Variants in TENM1 observed in about 807,000 individuals in gnomAD.
TENM1 encodes the protein teneurin transmembrane protein 1.
TENM1 carries 35 observed loss-of-function variants against 174.8 expected under a neutral mutation model. The observed-to-expected ratio is 0.20, with a 90% CI of 0.15 to 0.27. The LOEUF (loss-of-function observed/expected upper bound fraction) is 0.27. Ranked by LOEUF, TENM1 falls within the 10% of genes least tolerant of loss-of-function variation. TENM1 has a pLI of 1.00. For synonymous variants in TENM1, 781 were observed against 798.7 expected (o/e 0.98, Z 0.37); for missense variants, 1,633 against 2,130.1 (o/e 0.77, Z 4.59).
the TENM1 span, among the ~76,000 whole-genome samples, chrX:124,983,419 T>C: frequency 9.0e-6 from 1 of 111,296 alleles, no homozygotes; most frequent in Non-Finnish European, 1.9e-5. Flanking sequence ...ATCTTGGAAG[T>C]AAATAAAGTG....
intron 3 of TENM1, among the ~76,000 whole-genome samples, chrX:124,846,895 A>C (rs1238076019): frequency 9.0e-6 from 1 of 111,634 alleles, no homozygotes; most frequent in Non-Finnish European, 1.9e-5. Context: ...GTGTATTTTT[A>C]AGAGGAATTA....
intron 1 of TENM1, among the ~76,000 whole-genome samples, chrX:124,899,927 T>C (rs2057629322): frequency 8.9e-6 from 1 of 112,205 alleles, no homozygotes; most frequent in African/African-American, 3.2e-5. Flanking sequence ...TGTGGAGCAA[T>C]TGCAATTCTC....
chrX:124,389,304 C>T (rs1569528672), intron 28 of TENM1, among the ~76,000 whole-genome samples: 4 of 112,009 alleles, frequency 3.6e-5, no homozygotes, highest in Admixed American at 2.8e-4. Context: ...GTATGGCAAG[C>T]GAATTCACAA....
chrX:124,984,407 T>C, the TENM1 span, among the ~76,000 whole-genome samples: 1 of 112,633 alleles, frequency 8.9e-6, no homozygotes, highest in African/African-American at 3.2e-5. Context: ...GTTAATTTTT[T>C]ACAGAGGTCA....
chrX:124,566,674 C>G (rs754024972), intron 11 of TENM1, among the ~76,000 whole-genome samples: 1 of 112,225 alleles, frequency 8.9e-6, no homozygotes, highest in Non-Finnish European at 1.9e-5. Flanking sequence ...ATATTCTCCA[C>G]AGATAGCAGA....
chrX:124,942,587 G>A (rs533501089), intron 1 of TENM1, among the ~76,000 whole-genome samples: 3 of 111,791 alleles, frequency 2.7e-5, no homozygotes, highest in African/African-American at 9.7e-5. Context: ...TCATAGCATT[G>A]GGCAGAGAGG....
chrX:125,032,042 GAACA>G, the TENM1 span, among the ~76,000 whole-genome samples: 1 of 111,766 alleles, frequency 8.9e-6, no homozygotes, highest in African/African-American at 3.3e-5. Flanking sequence ...GTGGATGAGA[GAACA>G]AACAAGAGAT....
intron 31 of TENM1, among the ~76,000 whole-genome samples, chrX:124,381,525 C>T (rs2060157221): frequency 8.9e-6 from 1 of 111,945 alleles, no homozygotes; most frequent in African/African-American, 3.2e-5. Context: ...TAAGGAAATA[C>T]ATTTAAACTT....
chrX:124,448,089 A>G lies in TENM1; in HGVS notation c.4104+5248T>C, dbSNP rs757119859. On this transcript the variant is annotated intron_variant, in intron 23 of 31. Coordinates refer to ENST00000422452, the Ensembl canonical transcript of TENM1. The stretch of plus-strand genomic sequence containing the variant: ...ACCAGTGAATGGTACTACCATACAC[A>G]TGTTCCCTCAATTCTGAAATTGTCA... Among the ~76,000 whole-genome samples, 3 of 111,699 alleles carry G rather than the reference A, an allele frequency of 2.7e-5. No homozygotes were observed. The East Asian group carries it at 8.5e-4, about 31-fold the overall frequency.
chrX:124,415,749 C>G (rs922536060), intron 25 of TENM1, among the ~76,000 whole-genome samples: 5 of 111,436 alleles, frequency 4.5e-5, no homozygotes, highest in Non-Finnish European at 7.5e-5. Context: ...CCTTTTCACT[C>G]ACTGTTGGCC....
At chrX:125,057,277 G>C in the TENM1 span, among the ~76,000 whole-genome samples, 1 of 111,094 alleles carries the variant, frequency 9.0e-6, no homozygotes, top group African/African-American at 3.3e-5. Context: ...TGTGAATGGA[G>C]AGTCAAGTGA....
chrX:124,658,293 T>G (rs2051500399), intron 6 of TENM1, among the ~76,000 whole-genome samples: 1 of 111,791 alleles, frequency 8.9e-6, no homozygotes. Flanking sequence ...TGCTTTTGTA[T>G]CCATTATATT....
chrX:124,856,741 T>C (rs1168170720), intron 3 of TENM1, among the ~76,000 whole-genome samples: 2 of 111,476 alleles, frequency 1.8e-5, no homozygotes, highest in African/African-American at 3.2e-5. Context: ...ACACAGAATG[T>C]GTTCTGGTCT....
rs183723585 is a variant in TENM1, at chrX:124,945,078, G to T, written c.217+18459C>A. Reference sequence around the variant, plus strand: ...AGGAAAACAAATGTGTTGGAGGAGGGTTGTAATTTTCAATAGCGTAGTCAG... The same window carrying T: ...AGGAAAACAAATGTGTTGGAGGAGGTTTGTAATTTTCAATAGCGTAGTCAG... On this transcript the variant is annotated intron_variant, in intron 1 of 31. Coordinates refer to ENST00000422452, the Ensembl canonical transcript of TENM1. Among the ~76,000 whole-genome samples, 26 of 111,549 alleles carry T rather than the reference G, an allele frequency of 2.3e-4. No homozygotes were observed. In the East Asian group the frequency reaches 6.8e-3, roughly 29 times the overall value.
chrX:124,589,262 A>G (rs1173757581), intron 11 of TENM1, among the ~76,000 whole-genome samples: 1 of 110,794 alleles, frequency 9.0e-6, no homozygotes. Context: ...ATTGTGGTGC[A>G]CTAGCTTTTT....
intron 1 of TENM1, among the ~76,000 whole-genome samples, chrX:124,953,833 C>T (rs1193942650): frequency 8.9e-6 from 1 of 111,874 alleles, no homozygotes; most frequent in Non-Finnish European, 1.9e-5. Flanking sequence ...AATTCTCATA[C>T]TATGGTACAG....
rs72610648 is a variant in TENM1, at chrX:124,552,654, T to A, written c.2435-5564A>T. ...AGAATAAAAGCCTAAGTCTGAACAATGACTTATTACCTCACAGTCTGATTC... is the reference window on the plus strand; with the variant it reads ...AGAATAAAAGCCTAAGTCTGAACAAAGACTTATTACCTCACAGTCTGATTC... On this transcript the variant is annotated intron_variant, in intron 14 of 31. Transcript: ENST00000422452. Among the ~76,000 whole-genome samples the A allele has an allele frequency of 2.7e-5, 3 of 112,185 alleles. No homozygotes were observed. In the East Asian group the frequency reaches 8.5e-4, roughly 32 times the overall value.
chrX:124,454,653 C>T (rs949033148), intron 22 of TENM1, among the ~76,000 whole-genome samples: 3 of 111,670 alleles, frequency 2.7e-5, no homozygotes, highest in Admixed American at 9.5e-5. Context: ...CCACCTGCCT[C>T]GGCCTCCCAA....
At chrX:124,681,772 A>G (rs1451091199) in intron 5 of TENM1, among the ~76,000 whole-genome samples, 3 of 111,972 alleles carry the variant, frequency 2.7e-5, no homozygotes, top group Non-Finnish European at 5.6e-5. Flanking sequence ...CAACATCTGC[A>G]TAAGGTTGTT....
Sources: gnomAD v4.1 joint callset for allele counts (sites outside exome capture counted in the v4.1 genomes callset) on GRCh38, gnomAD v4.1.1 for gene constraint, MANE v1.5 for transcripts, NCBI Gene and HGNC (gene_info 2026-07-23, HGNC 2026-07-21) for gene names.